The following MPHOSPH9 variants were observed in gnomAD, a reference collection of about 807,000 sequenced individuals.
MPHOSPH9 encodes M-phase phosphoprotein 9.
A neutral mutation model predicts 145.5 loss-of-function variants in MPHOSPH9; 88 were observed. The observed-to-expected ratio is 0.60, with a 90% CI of 0.51 to 0.72. The LOEUF (loss-of-function observed/expected upper bound fraction) is 0.72. MPHOSPH9 is among the 30% of genes least tolerant of loss of function. The pLI, the probability that MPHOSPH9 is intolerant of heterozygous loss-of-function variation, is 0.00. For synonymous variants in MPHOSPH9, 435 were observed against 486.2 expected (o/e 0.89, Z 1.39); for missense variants, 1,238 against 1,386.6 (o/e 0.89, Z 1.70).
intron 13 of MPHOSPH9, among the ~76,000 whole-genome samples, chr12:123,186,477 T>C (rs887762938): frequency 4.6e-5 from 7 of 152,110 alleles, no homozygotes; most frequent in African/African-American, 1.7e-4. Flanking sequence ...TTCTGCAGGC[T>C]TGAAACTTTG....
intron 20 of MPHOSPH9, chr12:123,162,493 G>A (rs2044152091): frequency 9.4e-6 from 2 of 212,186 alleles, no homozygotes; most frequent in Non-Finnish European, 1.8e-5. Flanking sequence ...TATTATCCCC[G>A]TTTTATAGAA....
intron 17 of MPHOSPH9, 190 bp downstream of exon 17, chr12:123,166,465 G>T: frequency 1.5e-6 from 1 of 680,002 alleles, no homozygotes; most frequent in Non-Finnish European, 2.5e-6. Flanking sequence ...CACAGGTGGG[G>T]AAGCTTGGCA....
chr12:123,166,936 CAAT>C, intron 16 of MPHOSPH9, 147 bp from the exon 17 acceptor site: 1 of 875,890 alleles, frequency 1.1e-6, no homozygotes, highest in Non-Finnish European at 1.7e-6. Context: ...ATTTTGGATA[CAAT>C]TTATTTTACA....
chr12:123,205,545 CA>C (rs879307605), intron 8 of MPHOSPH9, among the ~76,000 whole-genome samples: 91 of 140,840 alleles, frequency 6.5e-4, no homozygotes, highest in African/African-American at 4.9e-4. Flanking sequence ...GACTCTGCCT[CA>C]AAAAAAAAAA....
intron 7 of MPHOSPH9, among the ~76,000 whole-genome samples, chr12:123,211,935 T>C (rs2046740831): frequency 6.6e-6 from 1 of 152,136 alleles, no homozygotes; most frequent in Non-Finnish European, 1.5e-5. Context: ...GGTCAGGTGA[T>C]CTGCGCACCT....
At chr12:123,174,103 T>C (rs962491163) in intron 16 of MPHOSPH9, among the ~76,000 whole-genome samples, 4 of 152,158 alleles carry the variant, frequency 2.6e-5, no homozygotes, top group Non-Finnish European at 5.9e-5. Context: ...TGAGGAGAAA[T>C]GTCACACATT....
chr12:123,191,917 T>A (rs769942330), intron 13 of MPHOSPH9, among the ~76,000 whole-genome samples: 11 of 152,148 alleles, frequency 7.2e-5, no homozygotes, highest in Non-Finnish European at 1.3e-4. Context: ...GGACATGCAC[T>A]TTAGTAGTAG....
chr12:123,162,614 A>G (rs2044156370), intron 20 of MPHOSPH9: 1 of 185,782 alleles, frequency 5.4e-6, no homozygotes, highest in African/African-American at 2.3e-5. Context: ...ACAGCTGCCC[A>G]CACTTCGGAG....
chr12:123,215,927 A>G (rs1376233940), intron 6 of MPHOSPH9, among the ~76,000 whole-genome samples: 3 of 152,148 alleles, frequency 2.0e-5, no homozygotes, highest in Non-Finnish European at 4.4e-5. Flanking sequence ...ACCTGTTTCA[A>G]TTTGTCTCAC....
intron 12 of MPHOSPH9, 142 bp downstream of exon 12, chr12:123,198,105 G>C: frequency 1.6e-6 from 1 of 639,408 alleles, no homozygotes; most frequent in East Asian, 3.2e-5. Context: ...AAAGGGTAAA[G>C]TTTATAGCAT....
intron 8 of MPHOSPH9, among the ~76,000 whole-genome samples, chr12:123,205,564 C>G (rs1337861371): frequency 6.6e-6 from 1 of 151,990 alleles, no homozygotes; most frequent in Non-Finnish European, 1.5e-5. Flanking sequence ...AAAAGTACCA[C>G]AATTCCCATA....
At chr12:123,206,667 AC>A (rs1276488682) in intron 8 of MPHOSPH9, among the ~76,000 whole-genome samples, 5 of 151,836 alleles carry the variant, frequency 3.3e-5, no homozygotes, top group African/African-American at 1.2e-4. Context: ...TAATCCCAGC[AC>A]TTTGGGAGGC....
intron 7 of MPHOSPH9, among the ~76,000 whole-genome samples, chr12:123,210,530 T>C (rs773982127): frequency 6.6e-6 from 1 of 151,728 alleles, no homozygotes; most frequent in Non-Finnish European, 1.5e-5. Context: ...CCATCTCTAC[T>C]AAAAATCCAA....
chr12:123,235,513 T>G (rs796078785), upstream of MPHOSPH9, among the ~76,000 whole-genome samples: 24 of 151,572 alleles, frequency 1.6e-4, 1 homozygote, highest in African/African-American at 5.8e-4. Context: ...TACAGGTGCC[T>G]GCCACCAGGC....
At chr12:123,158,901 G>T (rs1467007596) in intron 23 of MPHOSPH9, among the ~76,000 whole-genome samples, 2 of 152,152 alleles carry the variant, frequency 1.3e-5, no homozygotes, top group Admixed American at 6.5e-5. Flanking sequence ...AAAGTGCTGA[G>T]ATTACAGGCA....
chr12:123,193,050 C>T (rs994758152), intron 13 of MPHOSPH9, among the ~76,000 whole-genome samples: 12 of 127,122 alleles, frequency 9.4e-5, no homozygotes, highest in African/African-American at 2.5e-4. Flanking sequence ...CCAGCCTGGG[C>T]GACAGAGAGG....
At chr12:123,240,209 CAAA>C (rs55859746) in intron 1 of MPHOSPH9, among the ~76,000 whole-genome samples, 70,428 of 135,148 alleles carry the variant, frequency 0.52, 21,037 homozygotes, top group East Asian at 0.69. Flanking sequence ...ATTAAAAATA[CAAA>C]AAAAAAAAAA....
chr12:123,196,092 G>A (rs2045931673), intron 12 of MPHOSPH9, among the ~76,000 whole-genome samples: 1 of 151,752 alleles, frequency 6.6e-6, no homozygotes, highest in Admixed American at 6.6e-5. Flanking sequence ...CTGGGTGCCA[G>A]TAACCCCAGC....
At chr12:123,185,640 G>A (rs191659670) in intron 13 of MPHOSPH9, among the ~76,000 whole-genome samples, 1 of 152,266 alleles carries the variant, frequency 6.6e-6, no homozygotes, top group Non-Finnish European at 1.5e-5. Context: ...AGCAGTCGGA[G>A]AGGCTGAGGT....
Sources: allele counts gnomAD v4.1 joint callset (sites outside exome capture counted in the v4.1 genomes callset), GRCh38; gene constraint gnomAD v4.1.1; transcripts MANE v1.5; gene names NCBI Gene and HGNC (gene_info 2026-07-23, HGNC 2026-07-21).